The following FOXP1 variants were observed in gnomAD, a reference collection of about 807,000 sequenced individuals.
FOXP1 encodes forkhead box protein P1.
FOXP1 carries 15 observed loss-of-function variants against 98.2 expected under a neutral mutation model. That is an observed-to-expected ratio of 0.15 (90% CI 0.10 to 0.24). The LOEUF (loss-of-function observed/expected upper bound fraction) is 0.24, where lower values mean the gene tolerates loss of function less well. Ranked by LOEUF, FOXP1 falls within the 10% of genes least tolerant of loss-of-function variation. FOXP1 has a pLI of 1.00. For synonymous variants in FOXP1, 371 were observed against 314.5 expected (o/e 1.18, Z -1.90); for missense variants, 633 against 848.5 (o/e 0.75, Z 3.15).
chr3:71,009,922 T>C (rs941885880), intron 12 of FOXP1, among the ~76,000 whole-genome samples: 24 of 151,448 alleles, frequency 1.6e-4, no homozygotes, highest in African/African-American at 5.1e-4. Flanking sequence ...CTGAATTTTT[T>C]TTTTTTTTTT....
Position 71,047,113 on chromosome 3 carries a change from GA to G in FOXP1, c.511-19del. The G allele has an allele frequency of 6.2e-7, 1 of 1,613,746 alleles. No homozygotes were observed. The highest frequency in any genetic ancestry group is 8.5e-7 in the Non-Finnish European group (1 of 1,179,820). On this transcript the variant is annotated intron_variant, in intron 9 of 20. Transcript: ENST00000649528. The stretch of plus-strand genomic sequence containing the variant: ...TGCTGTTGCTGTAAGAAATCAGGAA[GA>G]AAAAATGAGATGGCCACTTCCCAAG...
intron 1 of FOXP1, chr3:71,582,741 G>A (rs1386237333): frequency 1.0e-6 from 1 of 985,186 alleles, no homozygotes; most frequent in African/African-American, 1.7e-5. Context: ...TCTCGGGAAA[G>A]CGGAGGCCGA....
chr3:70,982,659 A>C (rs970689770), intron 14 of FOXP1, among the ~76,000 whole-genome samples: 1 of 150,930 alleles, frequency 6.6e-6, no homozygotes, highest in Non-Finnish European at 1.5e-5. Context: ...GAAACTATTC[A>C]AACTTGGTTG....
intron 11 of FOXP1, among the ~76,000 whole-genome samples, chr3:71,016,067 C>T (rs548818152): frequency 7.2e-5 from 11 of 152,204 alleles, no homozygotes; most frequent in African/African-American, 2.4e-4. Context: ...CTTCCCTTCC[C>T]CCAGAAACTG....
At chr3:71,411,484 G>C (rs1207040726) in intron 3 of FOXP1, among the ~76,000 whole-genome samples, 1 of 152,074 alleles carries the variant, frequency 6.6e-6, no homozygotes, top group African/African-American at 2.4e-5. Flanking sequence ...CACCATGCCC[G>C]GCTAATTTTT....
intron 3 of FOXP1, among the ~76,000 whole-genome samples, chr3:71,412,769 C>T (rs187620056): frequency 1.4e-4 from 22 of 152,304 alleles, no homozygotes; most frequent in African/African-American, 5.1e-4. Context: ...TCCTCTACCT[C>T]CTCCCTGGGA....
intron 7 of FOXP1, among the ~76,000 whole-genome samples, chr3:71,058,092 AC>A (rs1298197263): frequency 2.6e-5 from 4 of 152,020 alleles, no homozygotes; most frequent in African/African-American, 9.6e-5. Flanking sequence ...TAAAAAGCAA[AC>A]AAACAAATAA....
chr3:71,308,799 GTGTGT>G (rs1560283221), intron 4 of FOXP1, among the ~76,000 whole-genome samples: 7 of 140,666 alleles, frequency 5.0e-5, no homozygotes, highest in Admixed American at 4.2e-4. Context: ...GTGTGTGTGT[GTGTGT>G]GTGGGTGAGG....
chr3:71,144,055 AG>A (rs2060194028), intron 6 of FOXP1, among the ~76,000 whole-genome samples: 1 of 152,334 alleles, frequency 6.6e-6, no homozygotes, highest in South Asian at 2.1e-4. Context: ...GAAAAAAAAA[AG>A]TATACAAGTC....
intron 7 of FOXP1, chr3:71,064,944 G>A (rs1297479090): frequency 1.6e-5 from 4 of 245,396 alleles, no homozygotes; most frequent in Admixed American, 6.8e-5. Context: ...GGGGCGCTCC[G>A]GCTCGCGGGC....
At chr3:71,017,817 AAGAT>A (rs887975514) in intron 11 of FOXP1, among the ~76,000 whole-genome samples, 1 of 152,224 alleles carries the variant, frequency 6.6e-6, no homozygotes, top group Non-Finnish European at 1.5e-5. Context: ...CTGCTACCAG[AAGAT>A]ACATTCAGAG....
At chr3:71,034,653 A>G (rs761318973) in intron 11 of FOXP1, among the ~76,000 whole-genome samples, 1 of 152,222 alleles carries the variant, frequency 6.6e-6, no homozygotes, top group Non-Finnish European at 1.5e-5. Flanking sequence ...CATAAATGTT[A>G]GCTGCATTCT....
chr3:71,170,330 T>C (rs2061590791), intron 6 of FOXP1, among the ~76,000 whole-genome samples: 1 of 152,210 alleles, frequency 6.6e-6, no homozygotes, highest in Non-Finnish European at 1.5e-5. Flanking sequence ...TGATTACTGC[T>C]AGTCAAATCA....
chr3:71,421,497 T>C (rs550147973), intron 3 of FOXP1, among the ~76,000 whole-genome samples: 205 of 152,340 alleles, frequency 1.3e-3, no homozygotes, highest in Middle Eastern at 6.8e-3. Flanking sequence ...TGAATTTATA[T>C]AATTTGACAT....
At chr3:71,254,187 C>G (rs562813314) in intron 5 of FOXP1, among the ~76,000 whole-genome samples, 8 of 152,248 alleles carry the variant, frequency 5.3e-5, no homozygotes, top group African/African-American at 7.2e-5. Flanking sequence ...TTTCCTCCCC[C>G]CTAACTTCCT....
At chr3:70,993,863 A>C (rs1160850159) in intron 13 of FOXP1, among the ~76,000 whole-genome samples, 1 of 151,894 alleles carries the variant, frequency 6.6e-6, no homozygotes, top group African/African-American at 2.4e-5. Flanking sequence ...GCATGGTGGC[A>C]CATGCCTATA....
At chr3:71,287,510 TG>T (rs1401347072) in intron 5 of FOXP1, among the ~76,000 whole-genome samples, 1 of 151,950 alleles carries the variant, frequency 6.6e-6, no homozygotes. Context: ...CCAAGCGCTG[TG>T]GCTCACGCCT....
chr3:71,136,393 A>G (rs2059822298), intron 6 of FOXP1, among the ~76,000 whole-genome samples: 1 of 152,230 alleles, frequency 6.6e-6, no homozygotes, highest in Non-Finnish European at 1.5e-5. Context: ...TGTTTCCTTC[A>G]TGAGCTGTTC....
chr3:70,958,988 A>T lies in FOXP1; in HGVS notation c.*259T>A. 2.1e-6 allele frequency: 1 copy of T among 467,220 alleles called. No individual in the cohort carries two copies. The highest frequency in any genetic ancestry group is 2.2e-5 in the South Asian group (1 of 46,442). 28.9% of individuals were successfully genotyped at this position (467,220 alleles called of 1,614,324 possible). A position where few individuals can be genotyped will look rare whatever the true frequency, so the allele number is the denominator to read the frequency against. The stretch of plus-strand genomic sequence containing the variant: ...CTGATGTTGACGGTTAAGAGAGGAA[A>T]ATCCCAAGTACCAAACAAGTCCATC... On this transcript the variant is annotated 3_prime_UTR_variant, in exon 21 of 21. Transcript: ENST00000649528.
Sources: gnomAD v4.1 joint callset for allele counts (sites outside exome capture counted in the v4.1 genomes callset) on GRCh38, gnomAD v4.1.1 for gene constraint, MANE v1.5 for transcripts, NCBI Gene and HGNC (gene_info 2026-07-23, HGNC 2026-07-21) for gene names.